Variants in PTPRA observed in about 807,000 individuals in gnomAD.
The protein encoded by PTPRA is receptor-type tyrosine-protein phosphatase alpha.
A neutral mutation model predicts 104.8 loss-of-function variants in PTPRA; 25 were observed. The observed-to-expected ratio is 0.24, with a 90% CI of 0.17 to 0.33. The LOEUF (loss-of-function observed/expected upper bound fraction) is 0.33, where lower values mean the gene tolerates loss of function less well. PTPRA is among the 10% of genes least tolerant of loss of function. The pLI is 1.00. For missense variants in PTPRA, 765 were observed against 1,015.3 expected (o/e 0.75, Z 3.35); for synonymous variants, 323 against 368.9 (o/e 0.88, Z 1.43).
At chr20:3,001,003 A>AT (rs894084853) in intron 9 of PTPRA, among the ~76,000 whole-genome samples, 4 of 151,820 alleles carry the variant, frequency 2.6e-5, no homozygotes, top group African/African-American at 9.7e-5. Flanking sequence ...TGAAAAAAAA[A>AT]TTTTTTTTTA....
chr20:3,030,560 C>T (rs1251742160), intron 20 of PTPRA, among the ~76,000 whole-genome samples: 1 of 151,988 alleles, frequency 6.6e-6, no homozygotes, highest in African/African-American at 2.4e-5. Flanking sequence ...GTGACACTAC[C>T]ATCCTCACCT....
chr20:2,885,342 A>C (rs1568638918), intron 1 of PTPRA, among the ~76,000 whole-genome samples: 1 of 152,238 alleles, frequency 6.6e-6, no homozygotes, highest in Non-Finnish European at 1.5e-5. Context: ...AATTTGACAC[A>C]TGAAAACCTT....
chr20:3,018,190 G>C (rs2064564505), intron 13 of PTPRA, among the ~76,000 whole-genome samples: 1 of 152,174 alleles, frequency 6.6e-6, no homozygotes, highest in Non-Finnish European at 1.5e-5. Flanking sequence ...CTAAGGAAAA[G>C]CCACAGAGGG....
At position 2,905,237 on chromosome 20, in the gene PTPRA, T is replaced by A. The variant is rs1600090897; in HGVS notation, c.-128-17970T>A. On this transcript the variant is annotated intron_variant, in intron 1 of 23. Transcript: ENST00000399903. ...CCCTCCATTTCATAGAAAAATTGTCTTCCACAAAACTGGTCCCTGGGTGCC... is the reference window on the plus strand; with the variant it reads ...CCCTCCATTTCATAGAAAAATTGTCATCCACAAAACTGGTCCCTGGGTGCC... Among the ~76,000 whole-genome samples, 3 of 152,322 alleles carry A rather than the reference T, an allele frequency of 2.0e-5. No homozygotes were observed. The South Asian group carries it at 6.2e-4, about 32-fold the overall frequency.
chr20:2,938,930 T>A (rs1313997657), intron 2 of PTPRA, among the ~76,000 whole-genome samples: 1 of 152,220 alleles, frequency 6.6e-6, no homozygotes, highest in African/African-American at 2.4e-5. Context: ...GATTTTCATG[T>A]TCCTGGTATA....
intron 3 of PTPRA, among the ~76,000 whole-genome samples, chr20:2,957,486 A>G (rs779829448): frequency 3.3e-5 from 5 of 152,172 alleles, no homozygotes; most frequent in South Asian, 2.1e-4. Context: ...TGGAGAGACA[A>G]CTCTTTCTAG....
chr20:2,868,310 CTTTTTT>C, the PTPRA span, among the ~76,000 whole-genome samples: 3 of 104,162 alleles, frequency 2.9e-5, no homozygotes, highest in Admixed American at 1.2e-4. Flanking sequence ...GACTCCACCT[CTTTTTT>C]TTTTTTTTTT....
chr20:2,995,318 G>T (rs1242939487), intron 9 of PTPRA, among the ~76,000 whole-genome samples: 2 of 152,112 alleles, frequency 1.3e-5, no homozygotes, highest in African/African-American at 4.8e-5. Context: ...GGGTCTTGTT[G>T]TGTTGCCCAG....
intron 9 of PTPRA, among the ~76,000 whole-genome samples, chr20:3,004,386 G>A (rs1013939056): frequency 6.6e-6 from 1 of 152,350 alleles, no homozygotes; most frequent in Non-Finnish European, 1.5e-5. Context: ...TACAAACACA[G>A]ACTATCTCAT....
chr20:2,990,582 A>G (rs903442434), intron 9 of PTPRA, among the ~76,000 whole-genome samples: 1 of 152,098 alleles, frequency 6.6e-6, no homozygotes, highest in African/African-American at 2.4e-5. Context: ...AAATACAAAA[A>G]TTAGCTGAGC....
intron 3 of PTPRA, chr20:2,955,675 T>C (rs2061510778): frequency 1.0e-6 from 1 of 985,210 alleles, no homozygotes; most frequent in Admixed American, 6.2e-5. Flanking sequence ...CAGAGTGCTG[T>C]TCCTACTCCA....
chr20:3,027,844 G>A lies in PTPRA; in HGVS notation c.1920+3G>A, dbSNP rs200469598. On this transcript the variant is annotated splice_donor_region_variant and intron_variant, in intron 20 of 23. Transcript: ENST00000399903. ...CAGAACTGGAGGAGAGAGGCCAGGTGAGTTCAAAAGGTCCTGGGTGGTGAG... is the reference window on the plus strand; with the variant it reads ...CAGAACTGGAGGAGAGAGGCCAGGTAAGTTCAAAAGGTCCTGGGTGGTGAG... 7.4e-6 allele frequency: 12 copies of A among 1,614,070 alleles called. No individual in the cohort carries two copies. The African/African-American group carries it at 9.3e-5, about 13-fold the overall frequency.
At chr20:3,004,480 CAA>C (rs1284181693) in intron 9 of PTPRA, among the ~76,000 whole-genome samples, 2 of 152,232 alleles carry the variant, frequency 1.3e-5, no homozygotes, top group African/African-American at 4.8e-5. Flanking sequence ...TCACCTCACC[CAA>C]ATCTTCTGCT....
rs1600112377 is a variant in PTPRA at position 2,919,951 on chromosome 20, A to C, written c.-128-3256A>C. On this transcript the variant is annotated intron_variant, in intron 1 of 23. Transcript: ENST00000399903. Reference sequence around the variant, plus strand: ...ATATAAAATTAACATTTACATGTTCATAAATAAGGTTTTATTAGAATATAG... The same window carrying C: ...ATATAAAATTAACATTTACATGTTCCTAAATAAGGTTTTATTAGAATATAG... Among the ~76,000 whole-genome samples, 3 of 152,250 alleles carry C rather than the reference A, an allele frequency of 2.0e-5. No homozygotes were observed. In the South Asian group the frequency reaches 6.2e-4, roughly 31 times the overall value.
At chr20:2,884,018 TTTAC>T (rs1462341682) in intron 1 of PTPRA, among the ~76,000 whole-genome samples, 1 of 152,204 alleles carries the variant, frequency 6.6e-6, no homozygotes, top group Non-Finnish European at 1.5e-5. Context: ...GCTGGCTTCT[TTTAC>T]TTAGCATAAT....
Position 2,958,658 on chromosome 20 carries a change from TAAAAAAAAA to T in PTPRA, c.-6-5595_-6-5587del, listed in dbSNP as rs71195806. On this transcript the variant is annotated intron_variant, in intron 3 of 23. Transcript: ENST00000399903. The stretch of plus-strand genomic sequence containing the variant: ...CAACATGGTGAAACCCCATCTCTAC[TAAAAAAAAA>T]AAAAAAAAAAAAAAAAAAGAAATAC... 1.9e-4 allele frequency among the ~76,000 whole-genome samples: 12 copies of T among 62,280 alleles called. No homozygotes were observed. In the East Asian group the frequency reaches 5.5e-3, roughly 29 times the overall value. 40.9% of individuals were successfully genotyped at this position (62,280 alleles called of 152,430 possible). A position where few individuals can be genotyped will look rare whatever the true frequency, so the allele number is the denominator to read the frequency against.
Position 2,946,174 on chromosome 20 carries a change from T to C in PTPRA, c.-49-1808T>C, listed in dbSNP as rs138481308. ...ACCGCCAGGCAGAAGCAGTTACCAG[T>C]GTGAAGACTAGATGACAACCAAAAA... On this transcript the variant is annotated intron_variant, in intron 2 of 23. Coordinates refer to ENST00000399903, the MANE Select transcript of PTPRA (RefSeq NM_001385305.1). Among the ~76,000 whole-genome samples, 736 of 152,068 alleles carry C rather than the reference T, an allele frequency of 4.8e-3. 8 individuals carry two copies. The highest frequency in any genetic ancestry group is 0.017 in the African/African-American group (691 of 41,478).
intron 9 of PTPRA, among the ~76,000 whole-genome samples, chr20:2,990,434 A>G (rs569539634): frequency 1.3e-5 from 2 of 152,248 alleles, no homozygotes; most frequent in South Asian, 4.1e-4. Context: ...CTCCTGGGTC[A>G]AGGCCAGGCA....
At position 3,037,160 on chromosome 20, in the gene PTPRA, G is replaced by A. The variant is rs944353745; in HGVS notation, c.2205G>A (p.Gly735=). 1 of 1,614,084 alleles carries A rather than the reference G, an allele frequency of 6.2e-7. No individual in the cohort carries two copies. Residue 735 remains glycine, a synonymous_variant, in exon 23 of 24, where the codon GGG becomes GGA. Coordinates refer to ENST00000399903, the MANE Select transcript of PTPRA (RefSeq NM_001385305.1). The surrounding 1 kb of genome is among the most constrained non-coding windows in gnomAD (Gnocchi z 4.3). ...TGTGTCTGCTCTGTTGCAGCGCCGG[G>A]GCAGGAAGGACGGGGACCTTCTGTG... The part of the protein sequence containing the change: ...NHPITVHCSA[G]AGRTGTFCAL...
Sources: gnomAD v4.1 joint callset for allele counts (sites outside exome capture counted in the v4.1 genomes callset) on GRCh38, gnomAD v4.1.1 for gene constraint, Gnocchi (gnomAD v3.1) non-coding constraint, MANE v1.5 for transcripts, NCBI Gene and HGNC (gene_info 2026-07-23, HGNC 2026-07-21) for gene names.